Variants in RANBP2 observed in about 807,000 individuals in gnomAD.
RANBP2 encodes the protein E3 SUMO-protein ligase RanBP2.
In RANBP2, 57 loss-of-function variants were observed where a neutral mutation model predicts 303.6. That is an observed-to-expected ratio of 0.19 (90% CI 0.15 to 0.23). The LOEUF is 0.23. RANBP2 is among the 10% of genes least tolerant of loss of function. RANBP2 has a pLI of 1.00. For synonymous variants in RANBP2, 1,167 were observed against 1,301.5 expected, an observed-to-expected ratio of 0.90 and a Z score of 2.23; for missense variants, 3,138 against 3,780.8, an observed-to-expected ratio of 0.83 and a Z score of 4.46.
chr2:109,260,680 C>T, the RANBP2 span, among the ~76,000 whole-genome samples: 1 of 152,104 alleles, frequency 6.6e-6, no homozygotes, highest in Non-Finnish European at 1.5e-5. Flanking sequence ...ATGGGAGAAG[C>T]GGCCTGCAGA....
At chr2:109,131,538 A>G in the RANBP2 span, among the ~76,000 whole-genome samples, 2 of 152,214 alleles carry the variant, frequency 1.3e-5, no homozygotes, top group Non-Finnish European at 2.9e-5. Flanking sequence ...ACGCTGGGAC[A>G]TTCTGATGAC....
At chr2:109,521,444 G>A in the RANBP2 span, among the ~76,000 whole-genome samples, 4 of 152,162 alleles carry the variant, frequency 2.6e-5, no homozygotes, top group Non-Finnish European at 4.4e-5. Context: ...TAGCACCACC[G>A]AGCTGGGGCA....
At chr2:109,207,876 C>T in the RANBP2 span, among the ~76,000 whole-genome samples, 14 of 152,084 alleles carry the variant, frequency 9.2e-5, no homozygotes, top group Admixed American at 3.9e-4. Flanking sequence ...AACAAATTGG[C>T]CTATGGCAGT....
At chr2:108,759,921 G>T (rs1676607553) in intron 18 of RANBP2, among the ~76,000 whole-genome samples, 1 of 152,006 alleles carries the variant, frequency 6.6e-6, no homozygotes, top group Non-Finnish European at 1.5e-5. Flanking sequence ...TTTTATTCTT[G>T]CAATGACCCT....
the RANBP2 span, among the ~76,000 whole-genome samples, chr2:109,727,029 G>A: frequency 1.3e-5 from 2 of 152,190 alleles, no homozygotes; most frequent in Non-Finnish European, 2.9e-5. Flanking sequence ...ACAGTTGGAG[G>A]CGCGTGGGGG....
chr2:109,100,313 C>T, the RANBP2 span, among the ~76,000 whole-genome samples: 69 of 152,326 alleles, frequency 4.5e-4, no homozygotes, highest in African/African-American at 1.6e-3. Context: ...ATTAGATTCT[C>T]ATAGGAGTGT....
the RANBP2 span, among the ~76,000 whole-genome samples, chr2:109,552,061 G>A: frequency 6.6e-6 from 1 of 152,250 alleles, no homozygotes; most frequent in Non-Finnish European, 1.5e-5. Context: ...TGTCAGATCA[G>A]TGGTGGCATT....
chr2:109,101,074 G>C, the RANBP2 span, among the ~76,000 whole-genome samples: 1 of 152,152 alleles, frequency 6.6e-6, no homozygotes, highest in South Asian at 2.1e-4. Flanking sequence ...TCAGAGTCAA[G>C]AACTAGAGGT....
At chr2:109,348,956 A>G in the RANBP2 span, among the ~76,000 whole-genome samples, 1 of 152,150 alleles carries the variant, frequency 6.6e-6, no homozygotes, top group African/African-American at 2.4e-5. Flanking sequence ...TTAGATGCCC[A>G]GAAGTTGTTG....
the RANBP2 span, among the ~76,000 whole-genome samples, chr2:109,343,457 G>A: frequency 6.6e-6 from 1 of 152,032 alleles, no homozygotes; most frequent in Admixed American, 6.6e-5. Flanking sequence ...GAGTCTGGCA[G>A]TCTGAGATGG....
chr2:108,959,701 G>A, the RANBP2 span, among the ~76,000 whole-genome samples: 1 of 152,204 alleles, frequency 6.6e-6, no homozygotes, highest in Non-Finnish European at 1.5e-5. Flanking sequence ...GCCGTGGGCA[G>A]TGGAGATTTC....
the RANBP2 span, among the ~76,000 whole-genome samples, chr2:109,199,841 A>G: frequency 6.6e-6 from 1 of 151,770 alleles, no homozygotes; most frequent in African/African-American, 2.4e-5. Flanking sequence ...ATGGAATGGA[A>G]TGGAATGGAA....
At chr2:109,137,806 T>C in the RANBP2 span, among the ~76,000 whole-genome samples, 2 of 152,230 alleles carry the variant, frequency 1.3e-5, no homozygotes, top group Admixed American at 1.3e-4. Flanking sequence ...CTCCAAGCTT[T>C]GCCTGCCACT....
chr2:109,269,451 C>G, the RANBP2 span, among the ~76,000 whole-genome samples: 1 of 152,302 alleles, frequency 6.6e-6, no homozygotes, highest in East Asian at 1.9e-4. Flanking sequence ...TCCAGCCCCC[C>G]TTTCTTCTGA....
At chr2:109,301,045 A>T in the RANBP2 span, among the ~76,000 whole-genome samples, 1 of 152,246 alleles carries the variant, frequency 6.6e-6, no homozygotes, top group Non-Finnish European at 1.5e-5. Context: ...GGGAGACTTC[A>T]ATACAGTTGT....
In RANBP2 at chr2:108,766,848, A is replaced by G. The variant is rs1316879648; in HGVS notation, c.6309A>G (p.Arg2103=). 5.6e-6 allele frequency: 9 copies of G among 1,611,852 alleles called. No individual in the cohort carries two copies. Among genetic ancestry groups the G allele is most frequent in the Non-Finnish European group, 7.6e-6 (9 of 1,179,868 alleles). The change falls in exon 20 of 29, where the codon AGA becomes AGG. Residue 2103 remains arginine, a synonymous_variant. Coordinates refer to ENST00000283195, the MANE Select transcript of RANBP2 (RefSeq NM_006267.5). ...MNLKPLSGSD[R]AWMWLASDFS... is the part of the protein sequence containing the mutation. ...TGAAGCCTCTCTCTGGATCAGATAGAGCATGGATGTGGTTAGCCAGTGATT... is the reference window on the plus strand; with the variant it reads ...TGAAGCCTCTCTCTGGATCAGATAGGGCATGGATGTGGTTAGCCAGTGATT...
chr2:109,034,682 A>G, the RANBP2 span, among the ~76,000 whole-genome samples: 2 of 152,142 alleles, frequency 1.3e-5, no homozygotes, highest in Non-Finnish European at 2.9e-5. Flanking sequence ...ATTCATTGCA[A>G]ATAGTTTGTT....
chr2:109,077,356 A>G, the RANBP2 span, among the ~76,000 whole-genome samples: 1 of 150,636 alleles, frequency 6.6e-6, no homozygotes, highest in Non-Finnish European at 1.5e-5. Context: ...GATTTTTATG[A>G]TGATCTGCTT....
At chr2:109,567,921 T>C in the RANBP2 span, 3 of 1,613,858 alleles carry the variant, frequency 1.9e-6, no homozygotes, top group Non-Finnish European at 2.5e-6. Context: ...CTTAAACTTC[T>C]GTAATTCAGT....
Sources: allele counts gnomAD v4.1 joint callset (sites outside exome capture counted in the v4.1 genomes callset), GRCh38; gene constraint gnomAD v4.1.1; transcripts MANE v1.5; gene names NCBI Gene and HGNC (gene_info 2026-07-23, HGNC 2026-07-21).